RGS8: variants seen among roughly 807,000 people sequenced by gnomAD.
The protein encoded by RGS8 is regulator of G-protein signaling 8.
RGS8 carries 8 observed loss-of-function variants against 21.7 expected under a neutral mutation model. That is an observed-to-expected ratio of 0.37 (90% CI 0.22 to 0.66). RGS8 has a LOEUF of 0.66. Among genes scored for constraint, RGS8 ranks in the 30% least tolerant of loss-of-function variants. RGS8 has a pLI of 0.59. For missense variants in RGS8, 157 were observed against 217.9 expected, an observed-to-expected ratio of 0.72 and a Z score of 1.76; for synonymous variants, 80 against 83.6, an observed-to-expected ratio of 0.96 and a Z score of 0.24.
chr1:182,739,956 T>C, the RGS8 span, among the ~76,000 whole-genome samples: 1 of 152,178 alleles, frequency 6.6e-6, no homozygotes, highest in Non-Finnish European at 1.5e-5. Context: ...CATTCCATGC[T>C]CCAGCTCCCA....
At chr1:182,699,188 C>T in the RGS8 span, among the ~76,000 whole-genome samples, 1 of 152,228 alleles carries the variant, frequency 6.6e-6, no homozygotes, top group South Asian at 2.1e-4. Flanking sequence ...ATCCCTGGGC[C>T]AGAGGGGTTT....
the RGS8 span, among the ~76,000 whole-genome samples, chr1:182,735,049 G>A: frequency 1.3e-4 from 20 of 151,786 alleles, no homozygotes; most frequent in South Asian, 1.9e-3. Context: ...TTAATACTAC[G>A]TTTTTGAAAT....
chr1:182,679,919 A>G (rs530202877), intron 1 of RGS8, among the ~76,000 whole-genome samples: 4 of 152,298 alleles, frequency 2.6e-5, no homozygotes, highest in African/African-American at 9.6e-5. Flanking sequence ...AACTCAAGCC[A>G]GAAATAGGAA....
At chr1:182,682,838 C>T (rs532433270) in intron 1 of RGS8, among the ~76,000 whole-genome samples, 3 of 152,164 alleles carry the variant, frequency 2.0e-5, no homozygotes, top group Non-Finnish European at 4.4e-5. Flanking sequence ...CTCAGCTGTC[C>T]ATCCACACTC....
At chr1:182,672,782 G>A (rs767666642), upstream of RGS8, 10 of 1,612,854 alleles carry the variant, frequency 6.2e-6, no homozygotes, top group African/African-American at 1.2e-4. Flanking sequence ...CTATTTTTCT[G>A]TCTTTTCCAT....
At chr1:182,729,733 GT>G in the RGS8 span, among the ~76,000 whole-genome samples, 1 of 152,062 alleles carries the variant, frequency 6.6e-6, no homozygotes, top group African/African-American at 2.4e-5. Flanking sequence ...GAAATAATAG[GT>G]AATTATAGCT....
chr1:182,713,901 A>G, the RGS8 span, among the ~76,000 whole-genome samples: 1 of 152,238 alleles, frequency 6.6e-6, no homozygotes, highest in Non-Finnish European at 1.5e-5. Flanking sequence ...AATACAGTAC[A>G]TAAAACAGAA....
At chr1:182,724,366 G>T in the RGS8 span, among the ~76,000 whole-genome samples, 4 of 151,008 alleles carry the variant, frequency 2.6e-5, no homozygotes, top group Non-Finnish European at 1.5e-5. Context: ...CTGGGCCTTT[G>T]CCTTATTTGA....
the RGS8 span, among the ~76,000 whole-genome samples, chr1:182,722,839 T>A: frequency 6.6e-6 from 1 of 151,800 alleles, no homozygotes; most frequent in Admixed American, 6.6e-5. Context: ...TTAGCCGGGC[T>A]TGGTTGCGGG....
the RGS8 span, among the ~76,000 whole-genome samples, chr1:182,725,943 A>C: frequency 6.6e-6 from 1 of 152,236 alleles, no homozygotes; most frequent in Non-Finnish European, 1.5e-5. Context: ...TAAAGGGTGC[A>C]GTATAGAGAA....
intron 5 of RGS8, among the ~76,000 whole-genome samples, chr1:182,650,583 C>T (rs1040275951): frequency 1.3e-5 from 2 of 152,062 alleles, no homozygotes; most frequent in Non-Finnish European, 2.9e-5. Context: ...TAGGAATGGC[C>T]GGGTGCAGTT....
chr1:182,688,975 G>A (rs1238629558), upstream of RGS8, among the ~76,000 whole-genome samples: 1 of 152,194 alleles, frequency 6.6e-6, no homozygotes, highest in Non-Finnish European at 1.5e-5. Flanking sequence ...TCAACCTACA[G>A]AGCTGTAAGA....
At chr1:182,650,494 C>T (rs181722087) in intron 5 of RGS8, among the ~76,000 whole-genome samples, 7 of 152,266 alleles carry the variant, frequency 4.6e-5, no homozygotes, top group South Asian at 4.1e-4. Context: ...GAAAGGTTTC[C>T]GGGTGACTCC....
the RGS8 span, among the ~76,000 whole-genome samples, chr1:182,724,616 G>T: frequency 6.6e-6 from 1 of 152,028 alleles, no homozygotes; most frequent in African/African-American, 2.4e-5. Flanking sequence ...GGAGTGCAGT[G>T]GTGCCATCTC....
chr1:182,646,638 A>G, exon 7 of RGS8: 1 of 1,128,758 alleles, frequency 8.9e-7, no homozygotes, highest in Non-Finnish European at 1.3e-6. Flanking sequence ...CCCCAATGCC[A>G]CCGCTTTTGA....
At chr1:182,657,927 AAC>A (rs1252031666) in intron 5 of RGS8, among the ~76,000 whole-genome samples, 1 of 152,256 alleles carries the variant, frequency 6.6e-6, no homozygotes, top group African/African-American at 2.4e-5. Flanking sequence ...GGAGGTGGTG[AAC>A]AGTTTGGGAA....
chr1:182,715,436 T>C, the RGS8 span, among the ~76,000 whole-genome samples: 1 of 152,210 alleles, frequency 6.6e-6, no homozygotes, highest in Non-Finnish European at 1.5e-5. Context: ...TAGGCCATGA[T>C]TGGGCCCTGT....
At chr1:182,696,217 T>A in the RGS8 span, among the ~76,000 whole-genome samples, 60 of 152,158 alleles carry the variant, frequency 3.9e-4, no homozygotes, top group African/African-American at 1.4e-3. Context: ...CTTTTAGACA[T>A]CCCAAAGCCA....
chr1:182,750,801 C>G, the RGS8 span, among the ~76,000 whole-genome samples: 1 of 151,668 alleles, frequency 6.6e-6, no homozygotes, highest in East Asian at 1.9e-4. Flanking sequence ...ACTATCTAGA[C>G]TCTAGATACT....
Sources: allele counts gnomAD v4.1 joint callset (sites outside exome capture counted in the v4.1 genomes callset), GRCh38; gene constraint gnomAD v4.1.1; transcripts MANE v1.5; gene names NCBI Gene and HGNC (gene_info 2026-07-23, HGNC 2026-07-21).